Variants in AFF2 observed in about 807,000 individuals in gnomAD.
AFF2 encodes the protein ALF transcription elongation factor 2.
Under a neutral mutation model 76.9 loss-of-function variants are expected in AFF2, and 14 were observed. That is an observed-to-expected ratio of 0.18 (90% confidence interval 0.12 to 0.28). The LOEUF is 0.28. Ranked by LOEUF, AFF2 falls within the 10% of genes least tolerant of loss-of-function variation. The probability of loss-of-function intolerance (pLI) is 1.00; values close to 1 mark genes in which losing one functional copy is unlikely to be tolerated. For synonymous variants in AFF2, 398 were observed against 366.7 expected (o/e 1.09, Z -0.98); for missense variants, 868 against 1,001.1 (o/e 0.87, Z 1.79).
chrX:148,788,657 C>T (rs1557269726), intron 3 of AFF2, among the ~76,000 whole-genome samples: 5 of 111,820 alleles, frequency 4.5e-5, no homozygotes, highest in Admixed American at 2.9e-4. Flanking sequence ...GTAATGAGGC[C>T]CTCTTTGTTT....
chrX:148,616,840 T>C (rs1295648018), intron 1 of AFF2, among the ~76,000 whole-genome samples: 2 of 109,758 alleles, frequency 1.8e-5, no homozygotes, highest in Admixed American at 9.7e-5. Context: ...TTTTTGTCCT[T>C]GCGACAGTTT....
At chrX:148,507,518 G>A (rs1036937778) in intron 1 of AFF2, among the ~76,000 whole-genome samples, 1 of 111,619 alleles carries the variant, frequency 9.0e-6, no homozygotes, top group African/African-American at 3.3e-5. Context: ...GGAGGGTTGG[G>A]ATTCCTCCAG....
chrX:148,769,303 A>G (rs1237042123), intron 3 of AFF2, among the ~76,000 whole-genome samples: 1 of 112,013 alleles, frequency 8.9e-6, no homozygotes, highest in African/African-American at 3.2e-5. Context: ...ACATTGGGTA[A>G]AAGGCAGCTA....
intron 4 of AFF2, among the ~76,000 whole-genome samples, chrX:148,834,601 A>T (rs1557273607): frequency 9.1e-6 from 1 of 109,616 alleles, no homozygotes; most frequent in East Asian, 2.9e-4. Flanking sequence ...GTGTACAGGT[A>T]CTCATCATTG....
chrX:148,856,271 G>A (rs2070785539), intron 7 of AFF2, among the ~76,000 whole-genome samples: 3 of 112,151 alleles, frequency 2.7e-5, no homozygotes, highest in Non-Finnish European at 1.9e-5. Flanking sequence ...AAAAATAAAA[G>A]CTAGGACTTA....
chrX:148,967,761 CACTTT>C (rs2072199052), intron 15 of AFF2, 69 bp downstream of exon 15: 1 of 1,062,315 alleles, frequency 9.4e-7, no homozygotes, highest in African/African-American at 1.9e-5. Context: ...ACAAAGAAAG[CACTTT>C]TCCAAACAAA....
chrX:148,824,885 T>G (rs1041557250), intron 4 of AFF2, among the ~76,000 whole-genome samples: 111 of 110,643 alleles, frequency 1.0e-3, no homozygotes, highest in African/African-American at 3.6e-3. Context: ...AAAAATAAGT[T>G]AATTGGCTGG....
intron 3 of AFF2, among the ~76,000 whole-genome samples, chrX:148,806,207 GAGAGAA>G (rs782319416): frequency 8.9e-6 from 1 of 112,376 alleles, no homozygotes; most frequent in African/African-American, 3.2e-5. Flanking sequence ...GTGTGTGTGA[GAGAGAA>G]AGAGAAAGAG....
chrX:148,835,921 T>A (rs184542232), intron 4 of AFF2, among the ~76,000 whole-genome samples: 228 of 111,739 alleles, frequency 2.0e-3, no homozygotes, highest in African/African-American at 4.2e-3. Flanking sequence ...ACTGAAACTT[T>A]GTACTCTTAT....
intron 1 of AFF2, among the ~76,000 whole-genome samples, chrX:148,585,842 A>C (rs2053463574): frequency 1.1e-5 from 1 of 88,862 alleles, no homozygotes; most frequent in African/African-American, 3.8e-5. Flanking sequence ...CTGCGTCTCA[A>C]AAAAAAAAAA....
At chrX:148,582,219 T>C (rs2124356402) in intron 1 of AFF2, among the ~76,000 whole-genome samples, 1 of 111,672 alleles carries the variant, frequency 9.0e-6, no homozygotes, top group Non-Finnish European at 1.9e-5. Flanking sequence ...TTACTGGTGA[T>C]GTTAACTTTG....
chrX:148,704,371 T>G (rs782374369), intron 3 of AFF2, among the ~76,000 whole-genome samples: 965 of 14,312 alleles, frequency 0.067, 51 homozygotes, highest in East Asian at 0.33. Context: ...TATGTGTGTA[T>G]ATATATATTT....
At chrX:148,837,500 A>C (rs782287113) in intron 4 of AFF2, 147 bp from the exon 5 acceptor site, 3 of 379,336 alleles carry the variant, frequency 7.9e-6, no homozygotes, top group Middle Eastern at 9.9e-4. Flanking sequence ...CATCTGCTGG[A>C]TGGTCCAAAT....
At chrX:148,887,423 TA>T (rs1322976077) in intron 8 of AFF2, among the ~76,000 whole-genome samples, 1 of 112,771 alleles carries the variant, frequency 8.9e-6, no homozygotes, top group Admixed American at 9.4e-5. Context: ...TTTTGACAGA[TA>T]AAAAGTTGCC....
In AFF2 at chrX:148,973,491, T is replaced by C; in HGVS notation, c.3288T>C (p.Ala1096=). 2.5e-6 allele frequency: 3 copies of C among 1,211,458 alleles called. No homozygotes were observed. Among genetic ancestry groups the C allele is most frequent in the Non-Finnish European group, 3.4e-6 (3 of 895,314 alleles). Residue 1096 remains alanine, a synonymous_variant, in exon 16 of 21, where the codon GCT becomes GCC. Transcript: ENST00000370460. ...ADALFEKFGK[A]VNYADAALSF... ...TTCAGTTCGAGAAATTTGGCAAAGC[T>C]GTGAATTATGCTGATGCCGCCCTCT...
chrX:148,703,187 T>C (rs782616992), intron 3 of AFF2, among the ~76,000 whole-genome samples: 1 of 112,277 alleles, frequency 8.9e-6, no homozygotes, highest in African/African-American at 3.2e-5. Context: ...CCTTTAACAA[T>C]GTGGTGATTC....
intron 3 of AFF2, among the ~76,000 whole-genome samples, chrX:148,685,926 CTCTA>C (rs1439583808): frequency 9.1e-6 from 1 of 110,044 alleles, no homozygotes; most frequent in East Asian, 2.8e-4. Flanking sequence ...CTCTCTCTCT[CTCTA>C]TCTCTCTCTC....
chrX:148,519,589 C>T (rs969656152), intron 1 of AFF2, among the ~76,000 whole-genome samples: 2 of 112,417 alleles, frequency 1.8e-5, no homozygotes, highest in African/African-American at 3.2e-5. Context: ...AGGGCACATA[C>T]TATGCATGTG....
chrX:148,727,902 A>C (rs1205372689), intron 3 of AFF2, among the ~76,000 whole-genome samples: 1 of 111,988 alleles, frequency 8.9e-6, no homozygotes, highest in Non-Finnish European at 1.9e-5. Flanking sequence ...TTGATTCAAG[A>C]TCAAGAGAGT....
Sources: allele counts gnomAD v4.1 joint callset (sites outside exome capture counted in the v4.1 genomes callset), GRCh38; gene constraint gnomAD v4.1.1; transcripts MANE v1.5; gene names NCBI Gene and HGNC (gene_info 2026-07-23, HGNC 2026-07-21).